Variants in PARN observed in about 807,000 individuals in gnomAD.
PARN encodes the protein poly(A)-specific ribonuclease PARN.
Under a neutral mutation model 102.8 loss-of-function variants are expected in PARN, and 71 were observed. The ratio of observed to expected loss-of-function variants is 0.69; its 90% CI spans 0.57 to 0.84. PARN has a LOEUF of 0.84. PARN is among the 40% of genes least tolerant of loss of function. The pLI is 0.00. For synonymous variants in PARN, 261 were observed against 252.9 expected (o/e 1.03, Z -0.30); for missense variants, 782 against 760.9 (o/e 1.03, Z -0.33).
intron 5 of PARN, among the ~76,000 whole-genome samples, chr16:14,624,654 T>TA: frequency 6.6e-6 from 1 of 152,234 alleles, no homozygotes; most frequent in Non-Finnish European, 1.5e-5. Context: ...TGTGGTGGCT[T>TA]ACGCCTGTAA....
intron 22 of PARN, among the ~76,000 whole-genome samples, chr16:14,448,242 G>A (rs1961291555): frequency 6.6e-6 from 1 of 152,054 alleles, no homozygotes; most frequent in African/African-American, 2.4e-5. Flanking sequence ...TCCGCCTCCC[G>A]GGTTCAAGCG....
chr16:14,439,315 T>G (rs1443404580), intron 23 of PARN, among the ~76,000 whole-genome samples: 1 of 144,488 alleles, frequency 6.9e-6, no homozygotes, highest in Non-Finnish European at 1.5e-5. Context: ...AAGGCTGCAG[T>G]GAGCTGTGAT....
chr16:14,456,410 C>G (rs1961680744), intron 22 of PARN, among the ~76,000 whole-genome samples: 1 of 152,034 alleles, frequency 6.6e-6, no homozygotes, highest in African/African-American at 2.4e-5. Flanking sequence ...CTGGGCTCAA[C>G]TGATCCTCCC....
At chr16:14,502,249 T>C (rs1157187132) in intron 21 of PARN, among the ~76,000 whole-genome samples, 3 of 152,194 alleles carry the variant, frequency 2.0e-5, no homozygotes, top group Admixed American at 1.3e-4. Flanking sequence ...ACTTTGCCTT[T>C]AGTTAAAATT....
intron 23 of PARN, among the ~76,000 whole-genome samples, chr16:14,439,812 G>C (rs906942206): frequency 6.6e-6 from 1 of 151,982 alleles, no homozygotes; most frequent in African/African-American, 2.4e-5. Flanking sequence ...TCAGGGGTTC[G>C]AGACCACCCT....
At chr16:14,479,016 C>T (rs988300782) in intron 22 of PARN, among the ~76,000 whole-genome samples, 24 of 152,178 alleles carry the variant, frequency 1.6e-4, no homozygotes, top group African/African-American at 4.8e-4. Context: ...GTCATCTGCC[C>T]GCCTTGGCCT....
chr16:14,560,395 C>T (rs1347365866), intron 18 of PARN, among the ~76,000 whole-genome samples: 1 of 152,218 alleles, frequency 6.6e-6, no homozygotes. Flanking sequence ...GGGTATCTTG[C>T]CACATTTCTG....
intron 22 of PARN, among the ~76,000 whole-genome samples, chr16:14,455,556 G>A (rs1961640699): frequency 6.6e-6 from 1 of 152,168 alleles, no homozygotes; most frequent in Non-Finnish European, 1.5e-5. Flanking sequence ...TCCTAGCAAG[G>A]TTAACAGCAC....
chr16:14,493,392 T>C (rs1360754507), intron 21 of PARN, among the ~76,000 whole-genome samples: 1 of 152,090 alleles, frequency 6.6e-6, no homozygotes, highest in Non-Finnish European at 1.5e-5. Context: ...ATTTTTGTAT[T>C]TTCTGTAAAG....
At chr16:14,622,366 A>C (rs921936514) in intron 5 of PARN, among the ~76,000 whole-genome samples, 2 of 152,248 alleles carry the variant, frequency 1.3e-5, no homozygotes, top group Non-Finnish European at 2.9e-5. Flanking sequence ...ACAGATGTTG[A>C]CTATAGAATT....
At chr16:14,555,543 A>G in intron 19 of PARN, 111 bp downstream of exon 19, 1 of 492,958 alleles carries the variant, frequency 2.0e-6, no homozygotes, top group Non-Finnish European at 3.6e-6. Context: ...ACAAAATCAC[A>G]GCCCAATTTT....
At chr16:14,520,948 T>C (rs1316528662) in intron 21 of PARN, among the ~76,000 whole-genome samples, 2 of 152,172 alleles carry the variant, frequency 1.3e-5, no homozygotes, top group Non-Finnish European at 2.9e-5. Context: ...ACAAACAACA[T>C]GAGTGCAACA....
chr16:14,449,317 G>A (rs979193056), intron 22 of PARN, among the ~76,000 whole-genome samples: 16 of 151,978 alleles, frequency 1.1e-4, no homozygotes. Flanking sequence ...AAGCAGAAAA[G>A]GATAAAATTA....
intron 22 of PARN, among the ~76,000 whole-genome samples, chr16:14,476,784 A>G (rs1256320584): frequency 3.3e-5 from 5 of 152,264 alleles, no homozygotes; most frequent in Non-Finnish European, 7.3e-5. Flanking sequence ...TGAGAGCTGT[A>G]GTTTACCAAC....
intron 13 of PARN, among the ~76,000 whole-genome samples, chr16:14,586,844 GTTAGTAAAAA>G (rs1402751490): frequency 1.3e-5 from 2 of 152,156 alleles, no homozygotes; most frequent in Admixed American, 6.5e-5. Context: ...CCTTTGAAAT[GTTAGTAAAAA>G]TGGCCTTGGA....
At chr16:14,554,434 ATTTT>A (rs56118961) in intron 19 of PARN, among the ~76,000 whole-genome samples, 1 of 144,548 alleles carries the variant, frequency 6.9e-6, no homozygotes, top group African/African-American at 2.5e-5. Context: ...TTATTTTTTA[ATTTT>A]TTTTTTTTTT....
At chr16:14,447,108 A>G in intron 22 of PARN, 27 bp from the exon 23 acceptor site, 8 of 1,551,674 alleles carry the variant, frequency 5.2e-6, no homozygotes, top group Non-Finnish European at 6.2e-6. Context: ...GGAACAACAT[A>G]AAAGGTGCTG....
At chr16:14,493,822 A>C (rs1964177280) in intron 21 of PARN, among the ~76,000 whole-genome samples, 2 of 152,238 alleles carry the variant, frequency 1.3e-5, no homozygotes, top group Non-Finnish European at 1.5e-5. Flanking sequence ...GATGTCACTA[A>C]GGAACCCTGC....
intron 13 of PARN, among the ~76,000 whole-genome samples, chr16:14,589,808 A>G (rs554950121): frequency 6.6e-6 from 1 of 152,190 alleles, no homozygotes; most frequent in Admixed American, 6.5e-5. Flanking sequence ...CAGAGGTTGC[A>G]GTGGGCCAAG....
Sources: allele counts gnomAD v4.1 joint callset (sites outside exome capture counted in the v4.1 genomes callset), GRCh38; gene constraint gnomAD v4.1.1; transcripts MANE v1.5; gene names NCBI Gene and HGNC (gene_info 2026-07-23, HGNC 2026-07-21).